Variants in CHD3 observed in about 807,000 individuals in gnomAD.
CHD3 encodes the protein ATP-dependent chromatin remodeler CHD3.
Under a neutral mutation model 248.9 loss-of-function variants are expected in CHD3, and 52 were observed. That is an observed-to-expected ratio of 0.21 (90% CI 0.17 to 0.26). The LOEUF is 0.26. Ranked by LOEUF, CHD3 falls within the 10% of genes least tolerant of loss-of-function variation. The pLI, the probability that CHD3 is intolerant of heterozygous loss-of-function variation, is 1.00. For missense variants in CHD3, 1,482 were observed against 2,605.8 expected, an observed-to-expected ratio of 0.57 and a Z score of 9.39; for synonymous variants, 985 against 985.2, an observed-to-expected ratio of 1.00 and a Z score of 0.00.
At position 7,897,003 on chromosome 17, in the gene CHD3, C is replaced by T. The variant is rs1969762512; in HGVS notation, c.1708-80C>T. 2 of 1,191,754 alleles carry T rather than the reference C, an allele frequency of 1.7e-6. No individual in the cohort carries two copies. The highest frequency in any genetic ancestry group is 2.5e-6 in the Non-Finnish European group (2 of 808,190). The allele number at this position is 1,191,754 out of a possible 1,614,324, so 73.8% of individuals were successfully genotyped here. Reference sequence around the variant, plus strand: ...GCTCCCTTTCCCTGTCCCATTCCTCCTGCCGGCCTCTTCCCGGTTCCTTGT... The same window carrying T: ...GCTCCCTTTCCCTGTCCCATTCCTCTTGCCGGCCTCTTCCCGGTTCCTTGT... On this transcript the variant is annotated intron_variant, in intron 10 of 39. Coordinates refer to ENST00000330494, the MANE Select transcript of CHD3 (RefSeq NM_001005273.3). The surrounding 1 kb of genome is among the most constrained non-coding windows in gnomAD (Gnocchi z 4.8).
At position 7,903,188 on chromosome 17, in the gene CHD3, G is replaced by A; in HGVS notation, c.3496-84G>A. ...GAGGAGAGAAGGCCCTTCTTCAGCAGCCTTCTTTCCTGAGGCAGCTCTATG... is the reference window on the plus strand; with the variant it reads ...GAGGAGAGAAGGCCCTTCTTCAGCAACCTTCTTTCCTGAGGCAGCTCTATG... On this transcript the variant is annotated intron_variant, in intron 22 of 39. Coordinates refer to ENST00000330494, the MANE Select transcript of CHD3 (RefSeq NM_001005273.3). The surrounding 1 kb of genome is among the most constrained non-coding windows in gnomAD (Gnocchi z 6.8). The A allele has an allele frequency of 6.4e-7, 1 of 1,573,424 alleles. No individual in the cohort carries two copies. The highest frequency in any genetic ancestry group is 8.7e-7 in the Non-Finnish European group (1 of 1,150,074).
chr17:7,897,187 C>G lies in CHD3; in HGVS notation c.1812C>G (p.Ser604Arg), dbSNP rs368773406. 6.2e-7 allele frequency: 1 copy of G among 1,614,092 alleles called. No individual in the cohort carries two copies. The highest frequency in any genetic ancestry group is 8.5e-7 in the Non-Finnish European group (1 of 1,179,986). Residue 604 changes from serine to arginine, a missense_variant, in exon 11 of 40, where the codon AGC becomes AGG. Ser to Arg is a moderately radical substitution (Grantham distance 110, BLOSUM62 -1). Around this residue, in one of 20 missense-constraint regions of CHD3, gnomAD observed 127 missense variants for 188.3 expected, o/e 0.67. Transcript: ENST00000330494. The surrounding 1 kb of genome is among the most constrained non-coding windows in gnomAD (Gnocchi z 4.8). ...DYGSGEDDGK[S>R]DKRKVKDPHY... Reference sequence around the variant, plus strand: ...GCTCCGGCGAGGATGATGGGAAGAGCGACAAGCGTAAAGTGAAAGACCCGC... The same window carrying G: ...GCTCCGGCGAGGATGATGGGAAGAGGGACAAGCGTAAAGTGAAAGACCCGC...
At chr17:7,885,202 C>T, upstream of CHD3, 1 of 929,970 alleles carries the variant, frequency 1.1e-6, no homozygotes, top group Non-Finnish European at 1.3e-6. Flanking sequence ...AGCGCGAATC[C>T]GGGGCTCGGG....
At chr17:7,894,372 C>T in intron 7 of CHD3, 43 bp from the exon 8 acceptor site, 3 of 1,592,854 alleles carry the variant, frequency 1.9e-6, no homozygotes, top group Non-Finnish European at 2.6e-6. Context: ...TCTCCATCTC[C>T]CCCTGCCCTG....
intron 10 of CHD3, among the ~76,000 whole-genome samples, chr17:7,896,099 G>T (rs1969602840): frequency 6.6e-6 from 1 of 151,718 alleles, no homozygotes; most frequent in Non-Finnish European, 1.5e-5. Context: ...GTGGTGGCAG[G>T]CACCTGTAGT....
intron 5 of CHD3, 107 bp downstream of exon 5, chr17:7,893,676 T>C (rs1969215282): frequency 7.9e-6 from 12 of 1,528,316 alleles, no homozygotes; most frequent in African/African-American, 1.4e-5. Context: ...GGAGGAGAGA[T>C]GCTTTCCAGG....
In CHD3 at chr17:7,890,643, G is replaced by A; in HGVS notation, c.286G>A (p.Gly96Arg). The change falls in exon 3 of 40, where the codon GGA (glycine) becomes AGA (arginine). Residue 96 changes from glycine to arginine, a missense_variant. By Grantham distance (125) the Gly-to-Arg change is moderately radical. This residue lies in a region of CHD3 where 169 missense variants were observed against 168.1 expected (regional missense o/e 1.01). Coordinates refer to ENST00000330494, the MANE Select transcript of CHD3 (RefSeq NM_001005273.3). ...GTCAGAGAGTGGGGGCAGTGAATAT[G>A]GAACCGGACCGGGTCGGAAACGAAG... Reference protein sequence around the residue: ...EKSESGGSEYGTGPGRKRRRK... With the variant: ...EKSESGGSEYRTGPGRKRRRK... 1 of 1,610,200 alleles carries A rather than the reference G, an allele frequency of 6.2e-7. No individual in the cohort carries two copies. Among genetic ancestry groups the A allele is most frequent in the South Asian group, 1.1e-5 (1 of 90,164 alleles).
chr17:7,910,840 G>C lies in CHD3; in HGVS notation c.5755-7G>C. The stretch of plus-strand genomic sequence containing the variant: ...TAACTCCAACTTCTGCTTCCTCTCT[G>C]TTCCAGGCCTACCCGCCGGGTCCCT... On this transcript the variant is annotated splice_region_variant and splice_polypyrimidine_tract_variant and intron_variant, in intron 38 of 39. Coordinates refer to ENST00000330494, the MANE Select transcript of CHD3 (RefSeq NM_001005273.3). The surrounding 1 kb of genome is among the most constrained non-coding windows in gnomAD (Gnocchi z 4.7). 6.3e-7 allele frequency: 1 copy of C among 1,597,630 alleles called. No individual in the cohort carries two copies. Among genetic ancestry groups the C allele is most frequent in the Non-Finnish European group, 8.5e-7 (1 of 1,174,506 alleles).
chr17:7,893,125 C>G (rs1235008416), intron 4 of CHD3, among the ~76,000 whole-genome samples, 161 bp from the exon 5 acceptor site: 1 of 151,834 alleles, frequency 6.6e-6, no homozygotes, highest in Non-Finnish European at 1.5e-5. Flanking sequence ...TTTTTTTAAA[C>G]TTCTTTTTAT....
Position 7,897,326 on chromosome 17 carries a change from G to A in CHD3, c.1919+32G>A, listed in dbSNP as rs1969807561. On this transcript the variant is annotated intron_variant, in intron 11 of 39. Transcript: ENST00000330494. This position sits in a 1 kb window ranked among gnomAD's most constrained non-coding sequence, Gnocchi z 4.8. ...CCTCGGTCCCTGGGAAGTCAGACCT[G>A]GTATATGACATTATTCTTACCATGG... 1.3e-6 allele frequency: 2 copies of A among 1,558,240 alleles called. No homozygotes were observed. Among genetic ancestry groups the A allele is most frequent in the Non-Finnish European group, 1.8e-6 (2 of 1,133,208 alleles).
At position 7,903,761 on chromosome 17, in the gene CHD3, G is replaced by A. The variant is rs1004092856; in HGVS notation, c.3728-64G>A. The A allele has an allele frequency of 6.4e-7, 1 of 1,560,834 alleles. No homozygotes were observed. Among genetic ancestry groups the A allele is most frequent in the African/African-American group, 1.4e-5 (1 of 73,848 alleles). Reference sequence around the variant, plus strand: ...CCTGTGAAAAGGACGCAGAGTAGAAGCTTTCCCATCAGCCTTTCTAAACTT... The same window carrying A: ...CCTGTGAAAAGGACGCAGAGTAGAAACTTTCCCATCAGCCTTTCTAAACTT... On this transcript the variant is annotated intron_variant, in intron 23 of 39. Transcript: ENST00000330494. The surrounding 1 kb of genome is among the most constrained non-coding windows in gnomAD (Gnocchi z 6.8).
chr17:7,888,717 T>G, upstream of CHD3: 6 of 766,206 alleles, frequency 7.8e-6, no homozygotes, highest in Non-Finnish European at 1.1e-5. Flanking sequence ...TGAGAGTGTG[T>G]GTGGGTGTGG....
rs373305007 is a variant in CHD3, at chr17:7,888,996, G to A, written c.-5G>A. ...TAGGTAATTGTGGAGACTTTCTCCT[G>A]TGTGATGAAGGCGGCAGACACTGTG... is the stretch of plus-strand genomic sequence containing the variant. On this transcript the variant is annotated 5_prime_UTR_variant, in exon 1 of 40. It adds an upstream start codon to the 5' untranslated region. Coordinates refer to ENST00000330494, the MANE Select transcript of CHD3 (RefSeq NM_001005273.3). 28 of 1,614,098 alleles carry A rather than the reference G, an allele frequency of 1.7e-5. No homozygotes were observed. In the African/African-American group the frequency reaches 3.5e-4, roughly 20 times the overall value.
chr17:7,910,630 G>A lies in CHD3; in HGVS notation c.5754+39G>A, dbSNP rs773624211. 8.8e-6 allele frequency: 14 copies of A among 1,588,670 alleles called. No homozygotes were observed. In the South Asian group the frequency reaches 1.5e-4, roughly 17 times the overall value. ...CCCCTAGCTCCAGTTTTCCCTGTTTGTGTTCCTCCTGCACACATACAAACA... is the reference window on the plus strand; with the variant it reads ...CCCCTAGCTCCAGTTTTCCCTGTTTATGTTCCTCCTGCACACATACAAACA... On this transcript the variant is annotated intron_variant, in intron 38 of 39. Transcript: ENST00000330494. This position sits in a 1 kb window ranked among gnomAD's most constrained non-coding sequence, Gnocchi z 4.7.
chr17:7,894,302 G>A (rs778416335), intron 7 of CHD3, 37 bp downstream of exon 7: 39 of 1,600,474 alleles, frequency 2.4e-5, no homozygotes, highest in Non-Finnish European at 3.3e-5. Context: ...CTGTCAGTGG[G>A]CCGTCCTCTC....
At chr17:7,894,734 T>G in intron 8 of CHD3, 126 bp downstream of exon 8, 10 of 1,344,754 alleles carry the variant, frequency 7.4e-6, no homozygotes, top group Non-Finnish European at 1.0e-5. Context: ...TCCGAGTGTC[T>G]AGGATCCTAA....
In CHD3 at chr17:7,905,280, C is replaced by T. The variant is rs934723832; in HGVS notation, c.4138+115C>T. The T allele has an allele frequency of 1.6e-5, 15 of 936,730 alleles. No individual in the cohort carries two copies. The African/African-American group carries it at 1.8e-4, about 11-fold the overall frequency. 58.0% of individuals were successfully genotyped at this position (936,730 alleles called of 1,614,324 possible). A position where few individuals can be genotyped will look rare whatever the true frequency, so the allele number is the denominator to read the frequency against. On this transcript the variant is annotated intron_variant, in intron 26 of 39. Coordinates refer to ENST00000330494, the MANE Select transcript of CHD3 (RefSeq NM_001005273.3). The surrounding 1 kb of genome is among the most constrained non-coding windows in gnomAD (Gnocchi z 5.8). Reference sequence around the variant, plus strand: ...GTCTTCGTGTGTGTGTGGAAAAACTCGATTGCAGATGAGCAGAAAGGAAGA... The same window carrying T: ...GTCTTCGTGTGTGTGTGGAAAAACTTGATTGCAGATGAGCAGAAAGGAAGA...
Position 7,911,672 on chromosome 17 carries a change from C to A in CHD3, c.*87C>A. On this transcript the variant is annotated 3_prime_UTR_variant, in exon 40 of 40. Coordinates refer to ENST00000330494, the MANE Select transcript of CHD3 (RefSeq NM_001005273.3). This position sits in a 1 kb window ranked among gnomAD's most constrained non-coding sequence, Gnocchi z 5.4. ...GCTGGGGCCTGCTGCCAGCCCTCCA[C>A]CTTCCCCACCCCTTGGGCCATCACT... is the stretch of plus-strand genomic sequence containing the variant. 1 of 1,599,930 alleles carries A rather than the reference C, an allele frequency of 6.3e-7. No homozygotes were observed. Among genetic ancestry groups the A allele is most frequent in the Middle Eastern group, 1.7e-4 (1 of 6,016 alleles).
chr17:7,885,047 C>G, upstream of CHD3: 1 of 1,042,706 alleles, frequency 9.6e-7, no homozygotes, highest in African/African-American at 1.7e-5. Context: ...GCCGCCGCCG[C>G]CACCGCTGCC....
Sources: gnomAD v4.1 joint callset for allele counts (sites outside exome capture counted in the v4.1 genomes callset) on GRCh38, gnomAD v4.1.1 for gene constraint, gnomAD v4.1.1 regional missense constraint, Gnocchi (gnomAD v3.1) non-coding constraint, MANE v1.5 for transcripts, NCBI Gene and HGNC (gene_info 2026-07-23, HGNC 2026-07-21) for gene names.